Variants in TTC7A observed in about 807,000 individuals in gnomAD.
The protein encoded by TTC7A is tetratricopeptide repeat domain 7A.
In TTC7A, 110 loss-of-function variants were observed where a neutral mutation model predicts 103.7. That is an observed-to-expected ratio of 1.06 (90% CI 0.91 to 1.24). The LOEUF (loss-of-function observed/expected upper bound fraction) is 1.24. TTC7A is among the 50% of genes most tolerant of loss of function. The pLI is 0.00. For missense variants in TTC7A, 1,340 were observed against 1,116.3 expected (o/e 1.20, Z -2.86); for synonymous variants, 521 against 467.9 (o/e 1.11, Z -1.47).
At chr2:46,955,596 C>G (rs1402344524) in intron 2 of TTC7A, among the ~76,000 whole-genome samples, 4 of 152,140 alleles carry the variant, frequency 2.6e-5, no homozygotes, top group African/African-American at 7.2e-5. Context: ...TGAGGAAGCA[C>G]AGGCAAAAGA....
intron 2 of TTC7A, chr2:46,951,817 C>T (rs930375199): frequency 9.2e-5 from 34 of 367,748 alleles, no homozygotes; most frequent in East Asian, 5.3e-4. Context: ...GCAATCAAGA[C>T]GAATCCAGCA....
Position 47,073,920 on chromosome 2 carries a change from C to T in TTC7A, c.2574C>T (p.Leu858=), listed in dbSNP as rs2103677768. The T allele has an allele frequency of 3.1e-6, 5 of 1,609,034 alleles. No homozygotes were observed. The highest frequency in any genetic ancestry group is 4.2e-6 in the Non-Finnish European group (5 of 1,177,546). The change falls in exon 20 of 20, where the codon CTC becomes CTT. Residue 858 remains leucine (L), a synonymous_variant. Transcript: ENST00000319190. ...CCTTCTCCATCATCCCCAGAGAGCTCTGACGACGCTGCAGCCGCAGGGAGG... is the reference window on the plus strand; with the variant it reads ...CCTTCTCCATCATCCCCAGAGAGCTTTGACGACGCTGCAGCCGCAGGGAGG... ...VLPFSIIPRE[L]
intron 2 of TTC7A, among the ~76,000 whole-genome samples, chr2:46,927,967 C>T (rs1207804767): frequency 7.3e-6 from 1 of 137,568 alleles, no homozygotes; most frequent in Non-Finnish European, 1.5e-5. Flanking sequence ...GGTCATGGCT[C>T]ACTGCAGCCT....
intron 8 of TTC7A, among the ~76,000 whole-genome samples, chr2:47,001,807 C>T (rs1041856496): frequency 1.4e-4 from 21 of 148,556 alleles, no homozygotes; most frequent in African/African-American, 4.5e-4. Flanking sequence ...TGCAGTGAGC[C>T]GAGACCACAC....
chr2:46,933,670 C>T (rs892577076), intron 2 of TTC7A, among the ~76,000 whole-genome samples: 37 of 152,214 alleles, frequency 2.4e-4, no homozygotes, highest in Admixed American at 1.1e-3. Context: ...ATGTAGCGAT[C>T]CTGAGCCATG....
At chr2:47,069,974 T>G (rs1684525909) in intron 19 of TTC7A, among the ~76,000 whole-genome samples, 1 of 152,086 alleles carries the variant, frequency 6.6e-6, no homozygotes, top group South Asian at 2.1e-4. Flanking sequence ...CCAAAATAAC[T>G]TCTATAAATA....
chr2:47,050,134 C>A, intron 17 of TTC7A, 88 bp downstream of exon 17: 1 of 1,168,926 alleles, frequency 8.6e-7, no homozygotes, highest in Non-Finnish European at 1.3e-6. Context: ...AGGGGCCGGG[C>A]CCTCTCCCAG....
intron 11 of TTC7A, among the ~76,000 whole-genome samples, chr2:47,020,580 A>G (rs10179011): frequency 0.87 from 132,245 of 152,288 alleles, 57,453 homozygotes; most frequent in Middle Eastern, 0.89. Flanking sequence ...GCTCGCCCAC[A>G]AGGTGGCTGT....
At chr2:47,047,844 T>C (rs74910133) in intron 16 of TTC7A, among the ~76,000 whole-genome samples, 4 of 152,198 alleles carry the variant, frequency 2.6e-5, no homozygotes, top group Non-Finnish European at 5.9e-5. Context: ...AACTAGATTT[T>C]ATAAGCCCTG....
At chr2:47,049,303 A>C (rs113777933) in intron 16 of TTC7A, among the ~76,000 whole-genome samples, 49 of 151,900 alleles carry the variant, frequency 3.2e-4, no homozygotes, top group African/African-American at 1.1e-3. Flanking sequence ...GCTGGAGGCT[A>C]TTTCCTGGCT....
rs1679340300 is a variant in TTC7A, at chr2:47,021,976, G to A, written c.1507G>A (p.Asp503Asn). The stretch of plus-strand genomic sequence containing the variant: ...TCTCACCTATAGCCTGCAGGCCACC[G>A]ACGGTGAGTGCCAGGCCCCAGGAGG... ...LGLTYSLQAT[D>N]ATLKSKQDEL... The change falls in exon 12 of 20, where the codon GAC (aspartate) becomes AAC (asparagine). Residue 503 changes from aspartate to asparagine, a missense_variant. Physicochemically the swap from Asp to Asn is conservative, Grantham distance 23. Coordinates refer to ENST00000319190, the MANE Select transcript of TTC7A (RefSeq NM_020458.4). The A allele has an allele frequency of 3.1e-6, 5 of 1,608,134 alleles. No homozygotes were observed. Among genetic ancestry groups the A allele is most frequent in the South Asian group, 1.1e-5 (1 of 90,920 alleles).
intron 2 of TTC7A, among the ~76,000 whole-genome samples, chr2:46,925,542 A>C (rs531272903): frequency 5.3e-5 from 8 of 152,222 alleles, no homozygotes; most frequent in Admixed American, 3.3e-4. Context: ...TGGGCAACAA[A>C]GTGTCTCAAT....
intron 18 of TTC7A, among the ~76,000 whole-genome samples, chr2:47,055,452 A>G (rs1373213382): frequency 2.0e-5 from 3 of 152,182 alleles, no homozygotes; most frequent in Non-Finnish European, 2.9e-5. Context: ...CTGCAGGGCA[A>G]TGCCTCTTGG....
At chr2:46,963,372 A>G (rs903257630) in intron 3 of TTC7A, among the ~76,000 whole-genome samples, 1 of 152,270 alleles carries the variant, frequency 6.6e-6, no homozygotes, top group Non-Finnish European at 1.5e-5. Context: ...CATCCGGCAT[A>G]GGCCAGTATC....
At chr2:47,064,656 C>CT (rs895313532) in intron 19 of TTC7A, among the ~76,000 whole-genome samples, 12 of 152,152 alleles carry the variant, frequency 7.9e-5, no homozygotes, top group African/African-American at 2.7e-4. Context: ...GAAGAGGTAC[C>CT]TGAGGAAACC....
intron 9 of TTC7A, among the ~76,000 whole-genome samples, 191 bp downstream of exon 9, chr2:47,006,250 A>G (rs950857232): frequency 1.3e-5 from 2 of 152,188 alleles, no homozygotes; most frequent in African/African-American, 4.8e-5. Flanking sequence ...AACCCACCTG[A>G]CAAGGTTGTT....
chr2:47,035,456 C>G (rs1387281288), intron 15 of TTC7A: 1 of 152,244 alleles, frequency 6.6e-6, no homozygotes, highest in Non-Finnish European at 1.5e-5. Context: ...TCCTCATTAG[C>G]TAAGCTGAGT....
intron 3 of TTC7A, among the ~76,000 whole-genome samples, chr2:46,973,490 G>A (rs1483408301): frequency 6.6e-6 from 1 of 152,238 alleles, no homozygotes; most frequent in East Asian, 1.9e-4. Context: ...CCCTCCCACT[G>A]CCGCAGGTTG....
intron 19 of TTC7A, among the ~76,000 whole-genome samples, chr2:47,071,960 G>A (rs1290676510): frequency 6.6e-6 from 1 of 152,202 alleles, no homozygotes; most frequent in Non-Finnish European, 1.5e-5. Context: ...GTCCTGTGTG[G>A]CTCCCTCCTG....
Sources: gnomAD v4.1 joint callset for allele counts (sites outside exome capture counted in the v4.1 genomes callset) on GRCh38, gnomAD v4.1.1 for gene constraint, MANE v1.5 for transcripts, NCBI Gene and HGNC (gene_info 2026-07-23, HGNC 2026-07-21) for gene names.